The following SYT9 variants were observed in gnomAD, a reference collection of about 807,000 sequenced individuals.
SYT9 encodes synaptotagmin-9.
In SYT9, 22 loss-of-function variants were observed where a neutral mutation model predicts 48.4. The ratio of observed to expected loss-of-function variants is 0.45; its 90% CI spans 0.32 to 0.65. The LOEUF is 0.65. Ranked by LOEUF, SYT9 falls within the 30% of genes least tolerant of loss-of-function variation. The pLI is 0.03. For synonymous variants in SYT9, 265 were observed against 245.0 expected, an observed-to-expected ratio of 1.08 and a Z score of -0.76; for missense variants, 577 against 622.0, an observed-to-expected ratio of 0.93 and a Z score of 0.77.
intron 3 of SYT9, among the ~76,000 whole-genome samples, chr11:7,321,166 A>T (rs1319212252): frequency 6.6e-6 from 1 of 152,186 alleles, no homozygotes; most frequent in African/African-American, 2.4e-5. Flanking sequence ...ATTTCCCTCT[A>T]TGCCAATACA....
At chr11:7,264,904 T>C (rs1564840579) in intron 1 of SYT9, among the ~76,000 whole-genome samples, 2 of 152,110 alleles carry the variant, frequency 1.3e-5, no homozygotes, top group Non-Finnish European at 2.9e-5. Context: ...TGAGGAATGA[T>C]AGATGTCTGC....
chr11:7,446,029 T>A (rs1437618429), intron 6 of SYT9, among the ~76,000 whole-genome samples: 1 of 152,234 alleles, frequency 6.6e-6, no homozygotes, highest in Non-Finnish European at 1.5e-5. Flanking sequence ...GCTTTTGCCC[T>A]GGCATAAGCC....
intron 1 of SYT9, among the ~76,000 whole-genome samples, chr11:7,258,373 A>G (rs1848014552): frequency 6.6e-6 from 1 of 152,190 alleles, no homozygotes; most frequent in Non-Finnish European, 1.5e-5. Context: ...GCAATCTTGG[A>G]GCAATAAATG....
At chr11:7,348,257 C>G (rs912828813) in intron 3 of SYT9, among the ~76,000 whole-genome samples, 5 of 152,170 alleles carry the variant, frequency 3.3e-5, no homozygotes, top group African/African-American at 4.8e-5. Context: ...AACTCTACCC[C>G]CCTCCTCAGT....
chr11:7,449,435 G>A lies in SYT9; in HGVS notation c.1468-17357G>A, dbSNP rs73405305. Among the ~76,000 whole-genome samples the A allele has an allele frequency of 6.7e-3, 1,013 of 152,088 alleles. 5 individuals carry two copies. The highest frequency in any genetic ancestry group is 0.022 in the African/African-American group (907 of 41,456). On this transcript the variant is annotated intron_variant, in intron 6 of 6. Coordinates refer to ENST00000318881, the MANE Select transcript of SYT9 (RefSeq NM_175733.4). ...AGGGACTAAGTGGCCTCTTGAGAGTGCTACAAAGAAAGTGTTGTGACTTCA... is the reference window on the plus strand; with the variant it reads ...AGGGACTAAGTGGCCTCTTGAGAGTACTACAAAGAAAGTGTTGTGACTTCA...
At chr11:7,410,999 C>T (rs1847127661) in intron 3 of SYT9, among the ~76,000 whole-genome samples, 1 of 152,144 alleles carries the variant, frequency 6.6e-6, no homozygotes, top group South Asian at 2.1e-4. Context: ...GGATTACAGG[C>T]ACCTGGCACC....
At chr11:7,307,787 G>A (rs754653596) in intron 2 of SYT9, among the ~76,000 whole-genome samples, 2 of 152,194 alleles carry the variant, frequency 1.3e-5, no homozygotes, top group African/African-American at 2.4e-5. Context: ...GACATAAGAC[G>A]TGAGCTACTG....
intron 3 of SYT9, among the ~76,000 whole-genome samples, chr11:7,362,238 G>C (rs1012030128): frequency 6.6e-6 from 1 of 150,430 alleles, no homozygotes; most frequent in African/African-American, 2.5e-5. Flanking sequence ...TCCACCTCCT[G>C]GGTTCAAGTG....
At chr11:7,392,915 T>C (rs778061668) in intron 3 of SYT9, among the ~76,000 whole-genome samples, 2 of 152,170 alleles carry the variant, frequency 1.3e-5, no homozygotes, top group Non-Finnish European at 2.9e-5. Context: ...ATTATTGTTG[T>C]ACAGAAATGC....
chr11:7,409,805 T>C (rs1168110354), intron 3 of SYT9, among the ~76,000 whole-genome samples: 1 of 152,104 alleles, frequency 6.6e-6, no homozygotes, highest in Non-Finnish European at 1.5e-5. Context: ...TTTTGAAGAA[T>C]CAACTTTTCA....
In SYT9 at chr11:7,303,316, G is replaced by C; in HGVS notation, c.423G>C (p.Gln141His). ...HTSPDIPLST[Q>H]TGIQENCAHG... The stretch of plus-strand genomic sequence containing the variant: ...CCCCTGACATTCCCCTCTCCACCCA[G>C]ACGGGGATCCAGGAGAACTGTGCCC... The change falls in exon 2 of 7, where the codon CAG (glutamine) becomes CAC (histidine). Residue 141 changes from glutamine (Q) to histidine (H), a missense_variant. Physicochemically the swap from Gln to His is conservative, Grantham distance 24 (BLOSUM62 0). Transcript: ENST00000318881. The C allele has an allele frequency of 6.2e-7, 1 of 1,613,906 alleles. No individual in the cohort carries two copies. Among genetic ancestry groups the C allele is most frequent in the Non-Finnish European group, 8.5e-7 (1 of 1,180,016 alleles).
chr11:7,311,523 G>A (rs1849133762), intron 2 of SYT9, among the ~76,000 whole-genome samples: 1 of 152,210 alleles, frequency 6.6e-6, no homozygotes, highest in Non-Finnish European at 1.5e-5. Flanking sequence ...ACTGGATTGT[G>A]TAGACACAGA....
chr11:7,278,338 C>T (rs866947200), intron 1 of SYT9, among the ~76,000 whole-genome samples: 2 of 152,214 alleles, frequency 1.3e-5, no homozygotes, highest in Middle Eastern at 3.2e-3. Flanking sequence ...AAGGCCCCCA[C>T]CTCTCAATAC....
chr11:7,320,760 C>G (rs1337344959), intron 3 of SYT9, among the ~76,000 whole-genome samples: 1 of 152,170 alleles, frequency 6.6e-6, no homozygotes, highest in African/African-American at 2.4e-5. Context: ...TATGAAAGAA[C>G]AAAACGGCAA....
chr11:7,343,858 A>G (rs1453418247), intron 3 of SYT9, among the ~76,000 whole-genome samples: 2 of 152,198 alleles, frequency 1.3e-5, no homozygotes, highest in African/African-American at 2.4e-5. Context: ...GGTGGAAGGT[A>G]AAAGGCATGT....
intron 3 of SYT9, among the ~76,000 whole-genome samples, chr11:7,332,595 C>T (rs1032643152): frequency 1.3e-5 from 2 of 152,176 alleles, no homozygotes; most frequent in Non-Finnish European, 2.9e-5. Context: ...CCCTCACCTC[C>T]CACCCCACAT....
At chr11:7,380,408 T>C (rs889143125) in intron 3 of SYT9, among the ~76,000 whole-genome samples, 2 of 152,114 alleles carry the variant, frequency 1.3e-5, no homozygotes, top group African/African-American at 4.8e-5. Flanking sequence ...AATGTACATT[T>C]TTAAATAACT....
intron 3 of SYT9, among the ~76,000 whole-genome samples, chr11:7,338,684 AT>A (rs1314455027): frequency 1.3e-5 from 2 of 151,840 alleles, no homozygotes; most frequent in Non-Finnish European, 2.9e-5. Context: ...CTCGATTTCT[AT>A]TTTTATTGTG....
intron 3 of SYT9, among the ~76,000 whole-genome samples, chr11:7,358,250 T>C (rs554408009): frequency 1.3e-5 from 2 of 152,024 alleles, no homozygotes; most frequent in Non-Finnish European, 2.9e-5. Context: ...TTTTAGATGC[T>C]AGCATAGACA....
Sources: allele counts gnomAD v4.1 joint callset (sites outside exome capture counted in the v4.1 genomes callset), GRCh38; gene constraint gnomAD v4.1.1; transcripts MANE v1.5; gene names NCBI Gene and HGNC (gene_info 2026-07-23, HGNC 2026-07-21).